SNTG1: variants seen among roughly 807,000 people sequenced by gnomAD.
SNTG1 encodes syntrophin gamma 1.
SNTG1 carries 39 observed loss-of-function variants against 74.7 expected under a neutral mutation model. The ratio of observed to expected loss-of-function variants is 0.52; its 90% CI spans 0.40 to 0.68. The LOEUF (loss-of-function observed/expected upper bound fraction) is 0.68, where lower values mean the gene tolerates loss of function less well. Among genes scored for constraint, SNTG1 ranks in the 30% least tolerant of loss-of-function variants. SNTG1 has a pLI of 0.00. For synonymous variants in SNTG1, 254 were observed against 217.1 expected (o/e 1.17, Z -1.49); for missense variants, 685 against 609.5 (o/e 1.12, Z -1.30).
intron 13 of SNTG1, among the ~76,000 whole-genome samples, chr8:50,599,613 T>C (rs777630664): frequency 1.3e-5 from 2 of 152,088 alleles, no homozygotes; most frequent in African/African-American, 2.4e-5. Context: ...GGGGTTACAG[T>C]TTTGATTTCA....
At chr8:50,781,095 A>G (rs2095658081) in intron 18 of SNTG1, among the ~76,000 whole-genome samples, 1 of 152,108 alleles carries the variant, frequency 6.6e-6, no homozygotes, top group Non-Finnish European at 1.5e-5. Flanking sequence ...CTGATCTTTT[A>G]CATTTGCTGA....
chr8:50,046,315 T>G (rs1332723484), intron 1 of SNTG1, among the ~76,000 whole-genome samples: 1 of 152,168 alleles, frequency 6.6e-6, no homozygotes, highest in Non-Finnish European at 1.5e-5. Flanking sequence ...CTTGATTCTG[T>G]TGTTGTAATT....
Position 50,461,156 on chromosome 8 carries a change from G to GGTGTGT in SNTG1, c.363+10471_363+10476dup, listed in dbSNP as rs71233496. On this transcript the variant is annotated intron_variant, in intron 8 of 18. Coordinates refer to ENST00000642720, the MANE Select transcript of SNTG1 (RefSeq NM_018967.5). ...AATGTCCTTCAGCTGAGATTTTTCT[G>GGTGTGT]GTGTGTGTGTGTGTGTGTGTGTGTG... is the stretch of plus-strand genomic sequence containing the variant. 8.4e-3 allele frequency among the ~76,000 whole-genome samples: 1,039 copies of GGTGTGT among 124,160 alleles called. 7 individuals are homozygous for GGTGTGT. The highest frequency in any genetic ancestry group is 0.018 in the African/African-American group (597 of 33,176). The allele number at this position is 124,160 out of a possible 152,430, so 81.5% of individuals were successfully genotyped here. A position where few individuals can be genotyped will look rare whatever the true frequency, so the allele number is the denominator to read the frequency against.
Position 50,402,353 on chromosome 8 carries a change from C to T in SNTG1, c.162+9C>T. On this transcript the variant is annotated intron_variant, in intron 4 of 18. Coordinates refer to ENST00000642720, the MANE Select transcript of SNTG1 (RefSeq NM_018967.5). ...AGCCTTTCTATTCTGGTGTAAGTAG[C>T]TTTTTCTTCTGTTGAAATTTTTTGT... 1 of 1,567,714 alleles carries T rather than the reference C, an allele frequency of 6.4e-7. No homozygotes were observed. Among genetic ancestry groups the T allele is most frequent in the Non-Finnish European group, 8.6e-7 (1 of 1,164,508 alleles).
intron 4 of SNTG1, among the ~76,000 whole-genome samples, chr8:50,425,503 C>T (rs2093152096): frequency 6.6e-6 from 1 of 152,100 alleles, no homozygotes; most frequent in Admixed American, 6.6e-5. Context: ...GCTGAGGGCT[C>T]TCACTGATTC....
At chr8:49,978,355 T>A (rs1224290885) in intron 1 of SNTG1, among the ~76,000 whole-genome samples, 1 of 151,996 alleles carries the variant, frequency 6.6e-6, no homozygotes, top group East Asian at 1.9e-4. Context: ...AGCTAATTAA[T>A]GACCAAAGAT....
At chr8:50,704,508 TG>T in intron 15 of SNTG1, 91 bp from the exon 16 acceptor site, 1 of 1,515,252 alleles carries the variant, frequency 6.6e-7, no homozygotes, top group South Asian at 1.1e-5. Context: ...TCTTTTTACC[TG>T]TGGCTTCTGC....
chr8:50,665,171 C>T (rs1044957078), intron 15 of SNTG1, among the ~76,000 whole-genome samples: 1 of 151,894 alleles, frequency 6.6e-6, no homozygotes, highest in African/African-American at 2.4e-5. Context: ...AGAAAACATG[C>T]TTGGCAGGGT....
intron 13 of SNTG1, among the ~76,000 whole-genome samples, chr8:50,621,691 A>G (rs957975333): frequency 2.0e-5 from 3 of 152,182 alleles, no homozygotes; most frequent in African/African-American, 7.2e-5. Context: ...CATTATCCTG[A>G]CAAGTCTATA....
rs574983721 is a variant in SNTG1, at chr8:50,142,843, G to A, written c.-102-29718G>A. On this transcript the variant is annotated intron_variant, in intron 1 of 18. Coordinates refer to ENST00000642720, the MANE Select transcript of SNTG1 (RefSeq NM_018967.5). ...TCCCAACACTTTGGGAGGCCAAGGC[G>A]GGTGGATCACCTGAGGTCAGGAGTT... 4.6e-5 allele frequency among the ~76,000 whole-genome samples: 7 copies of A among 152,142 alleles called. No individual in the cohort carries two copies. In the South Asian group the frequency reaches 1.0e-3, roughly 23 times the overall value.
chr8:50,231,997 A>C (rs556745794), intron 2 of SNTG1, among the ~76,000 whole-genome samples: 25 of 151,414 alleles, frequency 1.7e-4, no homozygotes, highest in Non-Finnish European at 3.1e-4. Context: ...ACTATAATTT[A>C]TCAAAATATT....
chr8:50,299,309 C>T (rs1019328248), intron 2 of SNTG1, among the ~76,000 whole-genome samples: 1 of 152,088 alleles, frequency 6.6e-6, no homozygotes, highest in Non-Finnish European at 1.5e-5. Context: ...CCTGTCTCCT[C>T]TTTCTCCTTC....
intron 17 of SNTG1, among the ~76,000 whole-genome samples, chr8:50,723,856 A>C (rs948023047): frequency 7.2e-5 from 11 of 152,170 alleles, no homozygotes; most frequent in African/African-American, 2.4e-4. Flanking sequence ...TTTGCAGGAA[A>C]AGACTCCCTA....
chr8:50,685,503 A>G (rs1431971377), intron 15 of SNTG1, among the ~76,000 whole-genome samples: 1 of 152,176 alleles, frequency 6.6e-6, no homozygotes, highest in Non-Finnish European at 1.5e-5. Context: ...TTTACCTGTA[A>G]ATTTCAGAAT....
chr8:50,174,632 T>A (rs192681726), intron 2 of SNTG1, among the ~76,000 whole-genome samples: 8 of 152,342 alleles, frequency 5.3e-5, no homozygotes, highest in Non-Finnish European at 7.3e-5. Context: ...TAGACCTTTT[T>A]TCATAGTTAA....
chr8:50,537,130 G>A (rs1035600577), intron 11 of SNTG1, among the ~76,000 whole-genome samples: 2 of 151,878 alleles, frequency 1.3e-5, no homozygotes, highest in South Asian at 4.2e-4. Context: ...TTGTTTGTTT[G>A]TTCACTTATT....
intron 1 of SNTG1, among the ~76,000 whole-genome samples, chr8:50,142,701 T>C (rs577938880): frequency 1.6e-4 from 24 of 152,276 alleles, no homozygotes; most frequent in African/African-American, 5.5e-4. Flanking sequence ...GTTACAAGCA[T>C]ATGAATACAG....
At chr8:50,307,370 T>A (rs573256533) in intron 2 of SNTG1, among the ~76,000 whole-genome samples, 1 of 152,132 alleles carries the variant, frequency 6.6e-6, no homozygotes, top group Non-Finnish European at 1.5e-5. Context: ...ATATATTTCA[T>A]TATTATTATT....
At chr8:50,752,822 A>G (rs1342217560) in intron 18 of SNTG1, among the ~76,000 whole-genome samples, 1 of 151,984 alleles carries the variant, frequency 6.6e-6, no homozygotes, top group African/African-American at 2.4e-5. Flanking sequence ...CTCTATGTTT[A>G]GATTAGACAC....
Sources: allele counts gnomAD v4.1 joint callset (sites outside exome capture counted in the v4.1 genomes callset), GRCh38; gene constraint gnomAD v4.1.1; transcripts MANE v1.5; gene names NCBI Gene and HGNC (gene_info 2026-07-23, HGNC 2026-07-21).